Variants in JAG2 observed in about 807,000 individuals in gnomAD.
JAG2 encodes jagged canonical Notch ligand 2, also known as protein jagged-2.
Under a neutral mutation model 141.7 loss-of-function variants are expected in JAG2, and 46 were observed. That is an observed-to-expected ratio of 0.32 (90% CI 0.26 to 0.42). The LOEUF is 0.42. Ranked by LOEUF, JAG2 falls within the 10% of genes least tolerant of loss-of-function variation. The pLI is 1.00. For synonymous variants in JAG2, 862 were observed against 763.5 expected (o/e 1.13, Z -2.13); for missense variants, 1,500 against 1,817.5 (o/e 0.83, Z 3.18).
chr14:105,152,011 C>A lies in JAG2; in HGVS notation c.966G>T (p.Thr322=). ...GSHHPCTNGG[T]CINAEPDQYR... ...ACTGGTCAGGCTCGGCGTTGATGCA[C>A]GTGCCTCCGTTGGTGCAGGGGTGGT... Residue 322 remains threonine, a synonymous_variant, in exon 7 of 26, where the codon ACG becomes ACT. Transcript: ENST00000331782. 2 of 1,613,394 alleles carry A rather than the reference C, an allele frequency of 1.2e-6. No individual in the cohort carries two copies. Among genetic ancestry groups the A allele is most frequent in the South Asian group, 2.2e-5 (2 of 91,088 alleles).
At chr14:105,168,157 CGGGCCGGGCGCCAGGGGTG>C (rs1888981003) in intron 1 of JAG2, 50 bp from the exon 2 acceptor site, 1 of 1,412,102 alleles carries the variant, frequency 7.1e-7, no homozygotes, top group African/African-American at 1.5e-5. Flanking sequence ...CCGGGGTCGG[CGGGCCGGGCGCCAGGGGTG>C]GGGGAACAGG....
rs1362165613 is a variant in JAG2 at position 105,167,140 on chromosome 14, A to G, written c.417+617T>C. Among the ~76,000 whole-genome samples the G allele has an allele frequency of 1.3e-5, 2 of 152,154 alleles. No homozygotes were observed. The highest frequency in any genetic ancestry group is 3.9e-4 in the East Asian group (2 of 5,164). On this transcript the variant is annotated intron_variant, in intron 2 of 25. Transcript: ENST00000331782. This position sits in a 1 kb window ranked among gnomAD's most constrained non-coding sequence, Gnocchi z 4.8. ...CAGCTTCTGCCCCTCCAGAATAACAAAACCAAAAAAACCCACAAACAGGGC... is the reference window on the plus strand; with the variant it reads ...CAGCTTCTGCCCCTCCAGAATAACAGAACCAAAAAAACCCACAAACAGGGC...
chr14:105,158,726 G>A (rs1346210864), intron 2 of JAG2, among the ~76,000 whole-genome samples: 1 of 152,040 alleles, frequency 6.6e-6, no homozygotes, highest in Non-Finnish European at 1.5e-5. Context: ...CTTGACCCCT[G>A]AGCCCAGCCC....
intron 2 of JAG2, among the ~76,000 whole-genome samples, chr14:105,166,324 C>T (rs1204981891): frequency 6.6e-6 from 1 of 152,280 alleles, no homozygotes; most frequent in East Asian, 1.9e-4. Flanking sequence ...AAAACACATC[C>T]TCAGGTAGCG....
At chr14:105,151,491 C>T in intron 8 of JAG2, 95 bp from the exon 9 acceptor site, 1 of 1,383,282 alleles carries the variant, frequency 7.2e-7, no homozygotes. Flanking sequence ...GGTCTTCCTG[C>T]CATTTGTCCT....
chr14:105,143,245 T>C (rs907685232), intron 25 of JAG2, 75 bp from the exon 26 acceptor site: 26 of 1,508,792 alleles, frequency 1.7e-5, no homozygotes, highest in Non-Finnish European at 2.2e-5. Flanking sequence ...CACCCAGGCC[T>C]GGGAGGGCCC....
chr14:105,145,861 G>A lies in JAG2; in HGVS notation c.2822C>T (p.Pro941Leu). 6.4e-7 allele frequency: 1 copy of A among 1,560,548 alleles called. No homozygotes were observed. The highest frequency in any genetic ancestry group is 8.7e-7 in the Non-Finnish European group (1 of 1,153,012). ...LEKAPGQCLRPPCEAWGECGA... is the reference protein window; with the variant it reads ...LEKAPGQCLRLPCEAWGECGA... ...GCACTCCCCCCAGGCCTCACAGGGTGGTCGCAGACACTGGCCTGGGGCCTT... is the reference window on the plus strand; with the variant it reads ...GCACTCCCCCCAGGCCTCACAGGGTAGTCGCAGACACTGGCCTGGGGCCTT... The change falls in exon 23 of 26, where the codon CCA becomes CTA. Residue 941 changes from proline to leucine, a missense_variant. By Grantham distance (98) the Pro-to-Leu change is moderately conservative. Transcript: ENST00000331782.
At position 105,148,404 on chromosome 14, in the gene JAG2, G is replaced by A. The variant is rs1888298800; in HGVS notation, c.2056C>T (p.Arg686Cys). 1.9e-6 allele frequency: 3 copies of A among 1,612,032 alleles called. No homozygotes were observed. The highest frequency in any genetic ancestry group is 1.7e-6 in the Non-Finnish European group (2 of 1,179,542). ...TTGACCAGGTCGTAGCAGCGGCCGC[G>A]GCTGTGGCAGGGATCGGGAAGGCAG... is the stretch of plus-strand genomic sequence containing the variant. ...NDCLPDPCHS[R>C]GRCYDLVNDF... Residue 686 changes from arginine (R) to cysteine (C), a missense_variant, in exon 16 of 26, where the codon CGC (arginine) becomes TGC (cysteine). Arg to Cys is a radical substitution (Grantham distance 180). Around this residue, in one of 3 missense-constraint regions of JAG2, gnomAD observed 875 missense variants for 1,202.2 expected, o/e 0.73. Coordinates refer to ENST00000331782, the MANE Select transcript of JAG2 (RefSeq NM_002226.5).
chr14:105,144,866 G>A (rs1007300085), intron 24 of JAG2, 64 bp downstream of exon 24: 2 of 1,568,174 alleles, frequency 1.3e-6, no homozygotes, highest in Non-Finnish European at 1.7e-6. Context: ...GTCCAGCATA[G>A]CCAGGACCTG....
In JAG2 at chr14:105,145,939, C is replaced by T. The variant is rs868217221; in HGVS notation, c.2744G>A (p.Gly915Asp). 3 of 1,583,844 alleles carry T rather than the reference C, an allele frequency of 1.9e-6. No individual in the cohort carries two copies. The highest frequency in any genetic ancestry group is 2.6e-6 in the Non-Finnish European group (3 of 1,166,844). Residue 915 changes from glycine to aspartate, a missense_variant, in exon 23 of 26, where the codon GGC becomes GAC. Coordinates refer to ENST00000331782, the MANE Select transcript of JAG2 (RefSeq NM_002226.5). ...CTGGGCGCTCAGGGCCTCGGGCTGGCCGGCCAGCAGACAAGGCTTCCATCC... is the reference window on the plus strand; with the variant it reads ...CTGGGCGCTCAGGGCCTCGGGCTGGTCGGCCAGCAGACAAGGCTTCCATCC... The part of the protein sequence containing the change: ...WCGWKPCLLA[G>D]QPEALSAQCP...
At chr14:105,164,489 C>T (rs1201776109) in intron 2 of JAG2, among the ~76,000 whole-genome samples, 5 of 152,206 alleles carry the variant, frequency 3.3e-5, no homozygotes, top group African/African-American at 9.7e-5. Flanking sequence ...AGTGTGCAGA[C>T]AGGATCCCCT....
intron 2 of JAG2, among the ~76,000 whole-genome samples, chr14:105,165,476 G>C (rs1888881250): frequency 6.6e-6 from 1 of 152,214 alleles, no homozygotes; most frequent in African/African-American, 2.4e-5. Flanking sequence ...GGGCAGCCAG[G>C]CAGCCTGCTG....
rs587692778 is a variant in JAG2 at position 105,159,155 on chromosome 14, T to C, written c.418-1392A>G. Among the ~76,000 whole-genome samples the C allele has an allele frequency of 3.8e-5, 5 of 132,502 alleles. No individual in the cohort carries two copies. In the South Asian group the frequency reaches 1.4e-3, roughly 37 times the overall value. 86.9% of individuals were successfully genotyped at this position (132,502 alleles called of 152,430 possible). On this transcript the variant is annotated intron_variant, in intron 2 of 25. Coordinates refer to ENST00000331782, the MANE Select transcript of JAG2 (RefSeq NM_002226.5). ...CAGTCCCCCGCCCCACACCTCCGAC[T>C]GTCCCTCAAATACAGACAACTAGGG... is the stretch of plus-strand genomic sequence containing the variant.
At position 105,142,875 on chromosome 14, in the gene JAG2, C is replaced by A; in HGVS notation, c.3537G>T (p.Glu1179Asp). The A allele has an allele frequency of 6.2e-7, 1 of 1,605,990 alleles. No individual in the cohort carries two copies. Among genetic ancestry groups the A allele is most frequent in the Non-Finnish European group, 8.5e-7 (1 of 1,176,646 alleles). The change falls in exon 26 of 26, where the codon GAG (glutamate) becomes GAT (aspartate). Residue 1179 changes from glutamate to aspartate, a missense_variant. This residue lies in a region of JAG2 where 425 missense variants were observed against 441.0 expected (regional missense o/e 0.96). Coordinates refer to ENST00000331782, the MANE Select transcript of JAG2 (RefSeq NM_002226.5). ...CCTCACCGCGGCCCAGATCCTCGTC[C>A]TCCTCATCCTCCCTGACGGCCGCGT... ...AGHAAVREDE[E>D]DEDLGRGEED...
chr14:105,153,699 C>CG (rs1566765431), intron 5 of JAG2, among the ~76,000 whole-genome samples: 2 of 152,212 alleles, frequency 1.3e-5, no homozygotes, highest in East Asian at 3.9e-4. Context: ...GAGGGGCAGG[C>CG]GGAGCTCACC....
At chr14:105,158,425 G>A (rs1256010398) in intron 2 of JAG2, among the ~76,000 whole-genome samples, 1 of 152,152 alleles carries the variant, frequency 6.6e-6, no homozygotes, top group East Asian at 1.9e-4. Flanking sequence ...GAGGTCCTGG[G>A]ACTGCCCAGC....
chr14:105,145,361 G>A (rs1888192126), intron 23 of JAG2, among the ~76,000 whole-genome samples: 1 of 152,170 alleles, frequency 6.6e-6, no homozygotes, highest in South Asian at 2.1e-4. Context: ...AGCCCCTCCT[G>A]GGAGACAGGG....
chr14:105,142,810 A>T lies in JAG2; in HGVS notation c.3602T>A (p.Phe1201Tyr). ...CGGCGAGCGGCCAGGATCTTTGGTGAATTTGTGTGAGAGGAACTTCTCCGC... is the reference window on the plus strand; with the variant it reads ...CGGCGAGCGGCCAGGATCTTTGGTGTATTTGTGTGAGAGGAACTTCTCCGC... ...LEAEKFLSHK[F>Y]TKDPGRSPGR... is the part of the protein sequence containing the mutation. The change falls in exon 26 of 26, where the codon TTC becomes TAC. Residue 1201 changes from phenylalanine to tyrosine, a missense_variant. Phe to Tyr is a conservative substitution (Grantham distance 22). This residue lies in a region of JAG2 where 425 missense variants were observed against 441.0 expected (regional missense o/e 0.96). Transcript: ENST00000331782. 1 of 1,610,808 alleles carries T rather than the reference A, an allele frequency of 6.2e-7. No homozygotes were observed. The highest frequency in any genetic ancestry group is 8.5e-7 in the Non-Finnish European group (1 of 1,178,970).
intron 20 of JAG2, chr14:105,146,945 G>T: frequency 1.6e-6 from 1 of 643,834 alleles, no homozygotes; most frequent in Non-Finnish European, 2.8e-6. Context: ...TTCTGCAGTG[G>T]GCCTGTCCCA....
Sources: gnomAD v4.1 joint callset for allele counts (sites outside exome capture counted in the v4.1 genomes callset) on GRCh38, gnomAD v4.1.1 for gene constraint, gnomAD v4.1.1 regional missense constraint, Gnocchi (gnomAD v3.1) non-coding constraint, MANE v1.5 for transcripts, NCBI Gene and HGNC (gene_info 2026-07-23, HGNC 2026-07-21) for gene names.